Variants in ADGRG7 observed in about 807,000 individuals in gnomAD.
The protein encoded by ADGRG7 is G-protein coupled receptor 128.
ADGRG7 carries 82 observed loss-of-function variants against 88.6 expected under a neutral mutation model. That is an observed-to-expected ratio of 0.93 (90% CI 0.77 to 1.11). ADGRG7 has a LOEUF of 1.11. ADGRG7 is among the 50% of genes most tolerant of loss of function. The pLI is 0.00. For missense variants in ADGRG7, 945 were observed against 953.4 expected, an observed-to-expected ratio of 0.99 and a Z score of 0.12; for synonymous variants, 381 against 345.2, an observed-to-expected ratio of 1.10 and a Z score of -1.15.
chr3:100,615,479 C>T (rs1408646827), intron 1 of ADGRG7, among the ~76,000 whole-genome samples: 1 of 152,116 alleles, frequency 6.6e-6, no homozygotes, highest in Non-Finnish European at 1.5e-5. Flanking sequence ...ATATCCTCAA[C>T]CAAGATGCAA....
chr3:100,619,868 A>T (rs1408926222), intron 1 of ADGRG7, among the ~76,000 whole-genome samples: 1 of 152,210 alleles, frequency 6.6e-6, no homozygotes, highest in African/African-American at 2.4e-5. Context: ...GAAGAAGTTG[A>T]ATCTCTGAAT....
intron 15 of ADGRG7, among the ~76,000 whole-genome samples, chr3:100,692,327 A>G (rs572503325): frequency 1.1e-4 from 17 of 152,312 alleles, no homozygotes; most frequent in Non-Finnish European, 2.1e-4. Flanking sequence ...TATGATTGTC[A>G]GTATCAAATG....
intron 1 of ADGRG7, among the ~76,000 whole-genome samples, chr3:100,620,394 C>T (rs939838050): frequency 1.3e-5 from 2 of 152,058 alleles, no homozygotes; most frequent in South Asian, 2.1e-4. Context: ...AATTAGGTAT[C>T]GATGGGACGT....
chr3:100,652,026 A>G (rs2094930139), intron 11 of ADGRG7, among the ~76,000 whole-genome samples: 1 of 152,162 alleles, frequency 6.6e-6, no homozygotes, highest in African/African-American at 2.4e-5. Flanking sequence ...GAGCATCTAT[A>G]TAGTAATAAT....
intron 6 of ADGRG7, among the ~76,000 whole-genome samples, chr3:100,639,499 C>A (rs73145126): frequency 5.3e-5 from 8 of 152,262 alleles, no homozygotes; most frequent in Middle Eastern, 6.8e-3. Flanking sequence ...TACTTTGTGA[C>A]TTCAGATTTC....
rs114756702 is a variant in ADGRG7 at position 100,669,054 on chromosome 3, T to C, written c.2085T>C (p.Asp695=). The change falls in exon 15 of 16, where the codon GAT becomes GAC. Residue 695 remains aspartate (D), a synonymous_variant. Transcript: ENST00000273352. ...CATACCTGATGCTAGTTAATGATGATAGCATCAGGATCGTCTTCAGCTACA... is the reference window on the plus strand; with the variant it reads ...CATACCTGATGCTAGTTAATGATGACAGCATCAGGATCGTCTTCAGCTACA... ...ILAYLMLVND[D]SIRIVFSYIF... is the part of the protein sequence containing the mutation. 205 of 1,604,242 alleles carry C rather than the reference T, an allele frequency of 1.3e-4. No homozygotes were observed. The African/African-American group carries it at 2.6e-3, about 21-fold the overall frequency.
intron 13 of ADGRG7, among the ~76,000 whole-genome samples, chr3:100,657,492 C>G (rs867940046): frequency 6.6e-6 from 1 of 152,214 alleles, no homozygotes; most frequent in Non-Finnish European, 1.5e-5. Flanking sequence ...CTTTAATGCT[C>G]TACCCCCAGT....
intron 10 of ADGRG7, among the ~76,000 whole-genome samples, chr3:100,648,551 T>C (rs1365615548): frequency 6.6e-6 from 1 of 151,902 alleles, no homozygotes; most frequent in African/African-American, 2.4e-5. Context: ...TATGGAAAAA[T>C]GTTTATGAAA....
At chr3:100,621,652 A>G (rs1157921018) in intron 1 of ADGRG7, among the ~76,000 whole-genome samples, 3 of 152,252 alleles carry the variant, frequency 2.0e-5, no homozygotes, top group Non-Finnish European at 2.9e-5. Flanking sequence ...TCTCCATAAC[A>G]TAAAAGTGCA....
intron 6 of ADGRG7, among the ~76,000 whole-genome samples, chr3:100,639,046 GTGTGTGTGTGTA>G (rs1420896183): frequency 3.6e-5 from 3 of 82,518 alleles, no homozygotes; most frequent in African/African-American, 1.2e-4. Context: ...GTGTGTGTGT[GTGTGTGTGTGTA>G]TGTATATGTA....
intron 15 of ADGRG7, among the ~76,000 whole-genome samples, chr3:100,689,765 C>T (rs2094989876): frequency 6.6e-6 from 1 of 152,168 alleles, no homozygotes; most frequent in Non-Finnish European, 1.5e-5. Flanking sequence ...GATGGGCTTC[C>T]CTTTATGGGT....
intron 1 of ADGRG7, among the ~76,000 whole-genome samples, chr3:100,625,384 T>G (rs1265692842): frequency 1.1e-4 from 16 of 152,212 alleles, no homozygotes; most frequent in Admixed American, 5.2e-4. Flanking sequence ...CACACTGATT[T>G]TGTATCCTGA....
intron 15 of ADGRG7, among the ~76,000 whole-genome samples, chr3:100,675,511 G>T (rs2094963930): frequency 6.6e-6 from 1 of 152,088 alleles, no homozygotes; most frequent in African/African-American, 2.4e-5. Flanking sequence ...TTTTGTTGAG[G>T]ATTTTTGCAT....
Position 100,609,823 on chromosome 3 carries a change from T to A in ADGRG7, c.-34T>A, listed in dbSNP as rs763459870. 23 of 1,497,290 alleles carry A rather than the reference T, an allele frequency of 1.5e-5. No individual in the cohort carries two copies. The highest frequency in any genetic ancestry group is 2.0e-5 in the Non-Finnish European group (22 of 1,074,710). The allele number at this position is 1,497,290 out of a possible 1,614,324, so 92.8% of individuals were successfully genotyped here. On this transcript the variant is annotated 5_prime_UTR_variant, in exon 1 of 16. Transcript: ENST00000273352. Reference sequence around the variant, plus strand: ...AAGAAGAAAAGAAGCTAGTTATTTCTCACCCAGGAGTGGATTTGTGGTTTG... The same window carrying A: ...AAGAAGAAAAGAAGCTAGTTATTTCACACCCAGGAGTGGATTTGTGGTTTG...
At chr3:100,663,511 A>G (rs2094948162) in intron 14 of ADGRG7, among the ~76,000 whole-genome samples, 1 of 151,998 alleles carries the variant, frequency 6.6e-6, no homozygotes, top group South Asian at 2.1e-4. Flanking sequence ...ACAAACACCT[A>G]CTCTAGAACT....
chr3:100,678,931 C>T (rs1369671305), intron 15 of ADGRG7, among the ~76,000 whole-genome samples: 1 of 152,216 alleles, frequency 6.6e-6, no homozygotes, highest in East Asian at 1.9e-4. Context: ...CACTGGTTCT[C>T]TCCCAAGGCC....
chr3:100,610,214 T>G (rs1160902702), intron 1 of ADGRG7, among the ~76,000 whole-genome samples: 1 of 152,214 alleles, frequency 6.6e-6, no homozygotes, highest in Non-Finnish European at 1.5e-5. Flanking sequence ...CTCTTTATGC[T>G]CTTTTAACTC....
chr3:100,614,046 A>C (rs1435339650), intron 1 of ADGRG7, among the ~76,000 whole-genome samples: 2 of 152,158 alleles, frequency 1.3e-5, no homozygotes, highest in African/African-American at 4.8e-5. Context: ...ATATATTAAA[A>C]ATTTAAGATG....
At chr3:100,677,319 C>T (rs1317602910) in intron 15 of ADGRG7, among the ~76,000 whole-genome samples, 3 of 152,066 alleles carry the variant, frequency 2.0e-5, no homozygotes, top group Non-Finnish European at 2.9e-5. Context: ...GATGACAACA[C>T]TGATTGCATA....
Sources: gnomAD v4.1 joint callset for allele counts (sites outside exome capture counted in the v4.1 genomes callset) on GRCh38, gnomAD v4.1.1 for gene constraint, MANE v1.5 for transcripts, NCBI Gene and HGNC (gene_info 2026-07-23, HGNC 2026-07-21) for gene names.